Variants in KIF13A observed in about 807,000 individuals in gnomAD.
The protein encoded by KIF13A is kinesin family member 13A, also known as kinesin-like protein KIF13A.
In KIF13A, 79 loss-of-function variants were observed where a neutral mutation model predicts 212.2. The ratio of observed to expected loss-of-function variants is 0.37; its 90% CI spans 0.31 to 0.45. KIF13A has a LOEUF of 0.45. Among genes scored for constraint, KIF13A ranks in the 20% least tolerant of loss-of-function variants. The probability of loss-of-function intolerance (pLI) is 1.00; values close to 1 mark genes in which losing one functional copy is unlikely to be tolerated. For synonymous variants in KIF13A, 789 were observed against 808.6 expected, an observed-to-expected ratio of 0.98 and a Z score of 0.41; for missense variants, 1,901 against 2,209.0, an observed-to-expected ratio of 0.86 and a Z score of 2.79.
chr6:17,832,977 G>A (rs1271683835), intron 12 of KIF13A, among the ~76,000 whole-genome samples: 2 of 126,760 alleles, frequency 1.6e-5, no homozygotes, highest in Non-Finnish European at 3.1e-5. Context: ...TTGCGCCACT[G>A]CACTCCAGCC....
rs750424918 is a variant in KIF13A at position 17,778,914 on chromosome 6, T to C, written c.4092+33A>G. Reference sequence around the variant, plus strand: ...GTCCATTGGGGGTGAAGGCTGGTGCTTTCATCCTCGGTCCAGATATTCAGT... The same window carrying C: ...GTCCATTGGGGGTGAAGGCTGGTGCCTTCATCCTCGGTCCAGATATTCAGT... On this transcript the variant is annotated intron_variant, in intron 33 of 38. Coordinates refer to ENST00000259711, the MANE Select transcript of KIF13A (RefSeq NM_022113.6). 3.2e-6 allele frequency: 5 copies of C among 1,553,792 alleles called. No individual in the cohort carries two copies. In the Admixed American group the frequency reaches 9.8e-5, roughly 30 times the overall value.
chr6:17,808,862 C>T lies in KIF13A; in HGVS notation c.2069G>A (p.Arg690Lys). The T allele has an allele frequency of 6.2e-7, 1 of 1,613,732 alleles. No individual in the cohort carries two copies. Among genetic ancestry groups the T allele is most frequent in the Admixed American group, 1.7e-5 (1 of 59,974 alleles). Residue 690 changes from arginine (R) to lysine (K), a missense_variant, in exon 18 of 39, where the codon AGG (arginine) becomes AAG (lysine). Coordinates refer to ENST00000259711, the MANE Select transcript of KIF13A (RefSeq NM_022113.6). ...TTCCTCAGCCAGGAAGTTTGCTTCC[C>T]TCACCAAGGTATTAGCTTTAACCAG... is the stretch of plus-strand genomic sequence containing the variant. ...EQLVKANTLV[R>K]EANFLAEEMS...
rs369762226 is a variant in KIF13A, at chr6:17,852,792, C to G, written c.495-750G>C. 1.2e-4 allele frequency among the ~76,000 whole-genome samples: 18 copies of G among 152,310 alleles called. 1 individual carries two copies. In the East Asian group the frequency reaches 3.5e-3, roughly 29 times the overall value. On this transcript the variant is annotated intron_variant, in intron 6 of 38. Transcript: ENST00000259711. ...TTCAAGTCTGCATTGGTTTATGCTA[C>G]TTCTATGCTTACACTATTTTATACA...
chr6:17,764,679 T>A lies in KIF13A; in HGVS notation c.4849A>T (p.Ser1617Cys), dbSNP rs1343879993. 1 of 1,613,746 alleles carries A rather than the reference T, an allele frequency of 6.2e-7. No individual in the cohort carries two copies. The highest frequency in any genetic ancestry group is 8.5e-7 in the Non-Finnish European group (1 of 1,179,786). The change falls in exon 39 of 39, where the codon AGT (serine) becomes TGT (cysteine). Residue 1617 changes from serine (S) to cysteine (C), a missense_variant. Ser to Cys is a moderately radical substitution (Grantham distance 112, BLOSUM62 -1). This residue lies in a region of KIF13A where 687 missense variants were observed against 759.1 expected (regional missense o/e 0.90). Transcript: ENST00000259711. This position sits in a 1 kb window ranked among gnomAD's most constrained non-coding sequence, Gnocchi z 5.1. Reference sequence around the variant, plus strand: ...ATGGCCAGCTGGTCTGAGCTGTCACTAGAAGGGACCACCATGTCAGACAGG... The same window carrying A: ...ATGGCCAGCTGGTCTGAGCTGTCACAAGAAGGGACCACCATGTCAGACAGG... ...ATLSDMVVPS[S>C]DSSDQLAIQT...
At chr6:17,927,867 G>A (rs1009930634) in intron 2 of KIF13A, among the ~76,000 whole-genome samples, 25 of 152,306 alleles carry the variant, frequency 1.6e-4, no homozygotes, top group African/African-American at 6.0e-4. Context: ...GCCTCTTGGC[G>A]TGAGCCCGTG....
Position 17,898,733 on chromosome 6 carries a change from C to T in KIF13A, c.147-553G>A, listed in dbSNP as rs1216874122. Among the ~76,000 whole-genome samples, 1 of 152,108 alleles carries T rather than the reference C, an allele frequency of 6.6e-6. No homozygotes were observed. Among genetic ancestry groups the T allele is most frequent in the African/African-American group, 2.4e-5 (1 of 41,418 alleles). On this transcript the variant is annotated intron_variant, in intron 2 of 38. Transcript: ENST00000259711. The surrounding 1 kb of genome is among the most constrained non-coding windows in gnomAD (Gnocchi z 5.2). ...AAAGCAAGTTTCCATTTTTTCCCCA[C>T]CATCAGCCACACACGCACTTGTTAA...
chr6:17,986,187 TG>T (rs1327897321), intron 2 of KIF13A, among the ~76,000 whole-genome samples: 1 of 152,252 alleles, frequency 6.6e-6, no homozygotes, highest in African/African-American at 2.4e-5. Context: ...AAATTAATAT[TG>T]TAAACTCTCC....
chr6:17,871,697 G>GGT lies in KIF13A; in HGVS notation c.220+1679_220+1680insAC, dbSNP rs1334637554. ...AGGTAGAATGGGGTTATATAATAAA[G>GGT]GACCTCAAATGTAGTCCAAAGAGTA... On this transcript the variant is annotated intron_variant, in intron 4 of 38. Coordinates refer to ENST00000259711, the MANE Select transcript of KIF13A (RefSeq NM_022113.6). The surrounding 1 kb of genome is among the most constrained non-coding windows in gnomAD (Gnocchi z 4.4). 6.6e-6 allele frequency among the ~76,000 whole-genome samples: 1 copy of GGT among 152,122 alleles called. No individual in the cohort carries two copies. The highest frequency in any genetic ancestry group is 1.5e-5 in the Non-Finnish European group (1 of 68,020).
At chr6:17,823,714 T>C (rs1764679332) in intron 16 of KIF13A, among the ~76,000 whole-genome samples, 1 of 151,888 alleles carries the variant, frequency 6.6e-6, no homozygotes, top group Admixed American at 6.6e-5. Context: ...GTAATCTTCC[T>C]GCCTCAGCCT....
intron 2 of KIF13A, among the ~76,000 whole-genome samples, chr6:17,925,843 G>A (rs1008425856): frequency 1.3e-5 from 2 of 152,204 alleles, no homozygotes; most frequent in African/African-American, 4.8e-5. Context: ...ACACTAAAAT[G>A]TCAGTTAGCT....
intron 12 of KIF13A, among the ~76,000 whole-genome samples, 168 bp downstream of exon 12, chr6:17,833,793 T>C (rs1310099109): frequency 2.1e-5 from 3 of 144,248 alleles, no homozygotes; most frequent in South Asian, 2.2e-4. Flanking sequence ...GAGGTGGAGG[T>C]TGCAGTGAGT....
chr6:17,921,872 T>A (rs1421863927), intron 2 of KIF13A, among the ~76,000 whole-genome samples: 1 of 152,204 alleles, frequency 6.6e-6, no homozygotes, highest in African/African-American at 2.4e-5. Flanking sequence ...ACATTTCACT[T>A]TTCCTGCAAG....
rs536195247 is a variant in KIF13A at position 17,970,045 on chromosome 6, C to G, written c.146+17009G>C. On this transcript the variant is annotated intron_variant, in intron 2 of 38. Transcript: ENST00000259711. ...TCACGCCATTATCCTGCCTCAGCCCCGCAAGTAGCTGGGATTACAGGCGCC... is the reference window on the plus strand; with the variant it reads ...TCACGCCATTATCCTGCCTCAGCCCGGCAAGTAGCTGGGATTACAGGCGCC... 2.6e-5 allele frequency among the ~76,000 whole-genome samples: 4 copies of G among 152,034 alleles called. No homozygotes were observed. In the South Asian group the frequency reaches 8.3e-4, roughly 32 times the overall value.
At position 17,785,347 on chromosome 6, in the gene KIF13A, G is replaced by T. The variant is rs74702843; in HGVS notation, c.3488+168C>A. On this transcript the variant is annotated intron_variant, in intron 28 of 38. Transcript: ENST00000259711. The surrounding 1 kb of genome is among the most constrained non-coding windows in gnomAD (Gnocchi z 5.8). Reference sequence around the variant, plus strand: ...CCTGTGGGAGAAAGTTGGCTTCGGTGGGGAAGGAAAAAAAGGGATGGAAGC... The same window carrying T: ...CCTGTGGGAGAAAGTTGGCTTCGGTTGGGAAGGAAAAAAAGGGATGGAAGC... Among the ~76,000 whole-genome samples the T allele has an allele frequency of 5.8e-3, 890 of 152,200 alleles. 12 individuals are homozygous for T. The highest frequency in any genetic ancestry group is 0.02 in the African/African-American group (817 of 41,540).
At position 17,773,281 on chromosome 6, in the gene KIF13A, G is replaced by C. The variant is rs977589746; in HGVS notation, c.4324+197C>G. On this transcript the variant is annotated intron_variant, in intron 36 of 38. Transcript: ENST00000259711. The surrounding 1 kb of genome is among the most constrained non-coding windows in gnomAD (Gnocchi z 4.2). ...ACACAAAAAGTCTATGATTATTTGG[G>C]TGATATGTTGGATACAAAACAAAAA... 1.3e-5 allele frequency among the ~76,000 whole-genome samples: 2 copies of C among 152,104 alleles called. No homozygotes were observed. The highest frequency in any genetic ancestry group is 2.9e-5 in the Non-Finnish European group (2 of 68,032).
Position 17,764,409 on chromosome 6 carries a change from TG to T in KIF13A, c.5118del (p.Ser1707AlafsTer15). On this transcript the variant is annotated frameshift_variant, in exon 39 of 39. Coordinates refer to ENST00000259711, the MANE Select transcript of KIF13A (RefSeq NM_022113.6). LOFTEE classifies it low-confidence loss of function (END_TRUNC). This position sits in a 1 kb window ranked among gnomAD's most constrained non-coding sequence, Gnocchi z 5.1. ...TGSCSELDACPSKISQPARGF... is the reference protein window; with the variant it reads ...TGSCSELDACXSKISQPARGF... ...CCCCTGGCTGGCTGGCTAATTTTGCTGGGGCAGGCATCTAGTTCTGAACATG... is the reference window on the plus strand; with the variant it reads ...CCCCTGGCTGGCTGGCTAATTTTGCTGGGCAGGCATCTAGTTCTGAACATG... 1 of 1,614,020 alleles carries T rather than the reference TG, an allele frequency of 6.2e-7. No homozygotes were observed.
In KIF13A at chr6:17,968,906, T is replaced by G. The variant is rs538203087; in HGVS notation, c.146+18148A>C. Among the ~76,000 whole-genome samples the G allele has an allele frequency of 6.6e-6, 1 of 152,348 alleles. No individual in the cohort carries two copies. The highest frequency in any genetic ancestry group is 2.1e-4 in the South Asian group (1 of 4,832). ...TGTGACAGACACAACCTGAGGACTT[T>G]CTACCCACAGACTCATCTACCTAGG... On this transcript the variant is annotated intron_variant, in intron 2 of 38. Coordinates refer to ENST00000259711, the MANE Select transcript of KIF13A (RefSeq NM_022113.6). The surrounding 1 kb of genome is among the most constrained non-coding windows in gnomAD (Gnocchi z 4.7).
chr6:17,902,276 C>T (rs1258202398), intron 2 of KIF13A, among the ~76,000 whole-genome samples: 2 of 152,200 alleles, frequency 1.3e-5, no homozygotes, highest in Non-Finnish European at 1.5e-5. Context: ...CCATCCTCCC[C>T]TTCATTCTCC....
rs1161515435 is a variant in KIF13A at position 17,914,691 on chromosome 6, T to C, written c.147-16511A>G. Among the ~76,000 whole-genome samples the C allele has an allele frequency of 6.6e-6, 1 of 152,174 alleles. No individual in the cohort carries two copies. The highest frequency in any genetic ancestry group is 1.5e-5 in the Non-Finnish European group (1 of 68,032). Reference sequence around the variant, plus strand: ...GGGTCTCTGTGGAGCAGGGTCTCTGTAGGGTGTTCTCCAGGCCACCTCACA... The same window carrying C: ...GGGTCTCTGTGGAGCAGGGTCTCTGCAGGGTGTTCTCCAGGCCACCTCACA... On this transcript the variant is annotated intron_variant, in intron 2 of 38. Coordinates refer to ENST00000259711, the MANE Select transcript of KIF13A (RefSeq NM_022113.6). This position sits in a 1 kb window ranked among gnomAD's most constrained non-coding sequence, Gnocchi z 5.9.
Sources: gnomAD v4.1 joint callset for allele counts (sites outside exome capture counted in the v4.1 genomes callset) on GRCh38, gnomAD v4.1.1 for gene constraint, gnomAD v4.1.1 regional missense constraint, Gnocchi (gnomAD v3.1) non-coding constraint, MANE v1.5 for transcripts, NCBI Gene and HGNC (gene_info 2026-07-23, HGNC 2026-07-21) for gene names.